The following GRID1 variants were observed in gnomAD, a reference collection of about 807,000 sequenced individuals.
GRID1 encodes the protein glutamate receptor ionotropic, delta-1.
A neutral mutation model predicts 98.0 loss-of-function variants in GRID1; 28 were observed. The ratio of observed to expected loss-of-function variants is 0.29; its 90% CI spans 0.21 to 0.39. The LOEUF is 0.39. Among genes scored for constraint, GRID1 ranks in the 10% least tolerant of loss-of-function variants. GRID1 has a pLI of 1.00. For missense variants in GRID1, 1,111 were observed against 1,340.5 expected (o/e 0.83, Z 2.67); for synonymous variants, 553 against 538.5 (o/e 1.03, Z -0.37).
At chr10:85,870,454 G>C (rs548367460) in intron 5 of GRID1, among the ~76,000 whole-genome samples, 1 of 152,180 alleles carries the variant, frequency 6.6e-6, no homozygotes, top group Non-Finnish European at 1.5e-5. Context: ...CCTTGTGATC[G>C]TGTGAGCCAA....
chr10:86,286,487 G>A (rs1305245916), intron 2 of GRID1, among the ~76,000 whole-genome samples: 2 of 152,188 alleles, frequency 1.3e-5, no homozygotes, highest in Non-Finnish European at 2.9e-5. Context: ...TGGGCTCCAC[G>A]AATTCCCTGC....
At chr10:85,717,958 T>C (rs1195533606) in intron 12 of GRID1, among the ~76,000 whole-genome samples, 1 of 152,140 alleles carries the variant, frequency 6.6e-6, no homozygotes, top group Non-Finnish European at 1.5e-5. Flanking sequence ...ACTCCAGGTC[T>C]CACATCCAAG....
intron 12 of GRID1, among the ~76,000 whole-genome samples, chr10:85,698,822 C>T (rs971521346): frequency 1.2e-4 from 18 of 152,118 alleles, no homozygotes; most frequent in African/African-American, 3.1e-4. Context: ...GTGCTATTGG[C>T]GTCTTGGATT....
chr10:86,024,814 T>C (rs61328366), intron 4 of GRID1, among the ~76,000 whole-genome samples: 5,726 of 152,234 alleles, frequency 0.038, 243 homozygotes, highest in East Asian at 0.18. Flanking sequence ...TGCCTGCCCC[T>C]AGCCCAGGGA....
intron 4 of GRID1, among the ~76,000 whole-genome samples, chr10:86,127,164 T>C (rs959652427): frequency 6.6e-6 from 1 of 152,166 alleles, no homozygotes; most frequent in Non-Finnish European, 1.5e-5. Flanking sequence ...TCCAACTGAG[T>C]AGTCGCTGTT....
chr10:85,807,729 A>C (rs1349867532), intron 8 of GRID1, among the ~76,000 whole-genome samples: 1 of 152,180 alleles, frequency 6.6e-6, no homozygotes, highest in African/African-American at 2.4e-5. Flanking sequence ...AAAAATAGTA[A>C]GGGGTGAAGA....
intron 4 of GRID1, among the ~76,000 whole-genome samples, chr10:86,001,030 T>A (rs1842796766): frequency 6.6e-6 from 1 of 152,160 alleles, no homozygotes; most frequent in Non-Finnish European, 1.5e-5. Flanking sequence ...AATGAACTAC[T>A]GATACACATA....
intron 4 of GRID1, among the ~76,000 whole-genome samples, chr10:86,069,050 G>C (rs1027114674): frequency 6.6e-6 from 1 of 152,074 alleles, no homozygotes; most frequent in Non-Finnish European, 1.5e-5. Context: ...CTGTGGGAAG[G>C]GGGAGTATAT....
chr10:86,342,675 G>A (rs945738451), intron 2 of GRID1, among the ~76,000 whole-genome samples: 13 of 152,194 alleles, frequency 8.5e-5, no homozygotes, highest in African/African-American at 3.1e-4. Flanking sequence ...AAGCCCTAGG[G>A]AGCCCACGCT....
At chr10:85,827,637 G>A (rs768272494) in intron 8 of GRID1, among the ~76,000 whole-genome samples, 37 of 150,918 alleles carry the variant, frequency 2.5e-4, no homozygotes, top group East Asian at 3.9e-4. Flanking sequence ...CAGGGACTGC[G>A]ATTTTAACTT....
chr10:86,139,134 T>C lies in GRID1; in HGVS notation c.521-110A>G, dbSNP rs1485385995. On this transcript the variant is annotated intron_variant, in intron 3 of 15. Transcript: ENST00000327946. The stretch of plus-strand genomic sequence containing the variant: ...CACCCATGCAGGCCACCACGAAAAA[T>C]GAGGGTCCAAGTCAGCCTCAGTGAT... 3.6e-5 allele frequency: 27 copies of C among 747,052 alleles called. No individual in the cohort carries two copies. The East Asian group carries it at 3.8e-4, about 10-fold the overall frequency. 46.3% of individuals were successfully genotyped at this position (747,052 alleles called of 1,614,324 possible).
At chr10:85,981,145 C>T (rs1842539781) in intron 4 of GRID1, among the ~76,000 whole-genome samples, 2 of 152,174 alleles carry the variant, frequency 1.3e-5, no homozygotes, top group South Asian at 4.1e-4. Context: ...AACTGACCAA[C>T]AGGCTCCAGG....
intron 3 of GRID1, among the ~76,000 whole-genome samples, chr10:86,174,210 C>T (rs945421274): frequency 6.6e-6 from 1 of 152,074 alleles, no homozygotes; most frequent in Non-Finnish European, 1.5e-5. Context: ...AAGAACAAAG[C>T]TGGAGGCATC....
At chr10:85,938,338 G>T (rs1841953795) in intron 4 of GRID1, among the ~76,000 whole-genome samples, 1 of 152,344 alleles carries the variant, frequency 6.6e-6, no homozygotes, top group Non-Finnish European at 1.5e-5. Flanking sequence ...GATGGGGTCA[G>T]AGTCCACCCT....
intron 3 of GRID1, among the ~76,000 whole-genome samples, chr10:86,200,852 G>A (rs1220736974): frequency 2.0e-5 from 3 of 152,098 alleles, no homozygotes; most frequent in African/African-American, 2.4e-5. Context: ...CTATCATCAA[G>A]AAAATGTACA....
At chr10:86,041,773 C>T (rs1843348803) in intron 4 of GRID1, among the ~76,000 whole-genome samples, 1 of 152,146 alleles carries the variant, frequency 6.6e-6, no homozygotes, top group Admixed American at 6.5e-5. Flanking sequence ...TATGTAAACC[C>T]CAAGATTATC....
chr10:86,227,287 G>A (rs1174569208), intron 2 of GRID1, among the ~76,000 whole-genome samples: 2 of 152,334 alleles, frequency 1.3e-5, no homozygotes, highest in East Asian at 3.9e-4. Flanking sequence ...GGTGTATGGT[G>A]GGTCATAGGC....
At chr10:85,964,962 A>G (rs565338607) in intron 4 of GRID1, among the ~76,000 whole-genome samples, 1 of 152,346 alleles carries the variant, frequency 6.6e-6, no homozygotes, top group African/African-American at 2.4e-5. Flanking sequence ...CAACCCCATC[A>G]AAAAGTGGGC....
At chr10:86,170,149 C>T (rs552484608) in intron 3 of GRID1, among the ~76,000 whole-genome samples, 12 of 152,354 alleles carry the variant, frequency 7.9e-5, no homozygotes, top group South Asian at 2.1e-4. Context: ...AGGACCACAA[C>T]GGTGCCCAAC....
Sources: allele counts gnomAD v4.1 joint callset (sites outside exome capture counted in the v4.1 genomes callset), GRCh38; gene constraint gnomAD v4.1.1; transcripts MANE v1.5; gene names NCBI Gene and HGNC (gene_info 2026-07-23, HGNC 2026-07-21).